Variants in PCED1B observed in about 807,000 individuals in gnomAD.
The protein encoded by PCED1B is PC-esterase domain-containing protein 1B.
For missense variants in PCED1B, 573 were observed against 573.9 expected (o/e 1.00, Z 0.02); for synonymous variants, 251 against 246.1 (o/e 1.02, Z -0.19).
At chr12:47,163,236 A>T (rs549030429) in intron 2 of PCED1B, among the ~76,000 whole-genome samples, 1 of 152,178 alleles carries the variant, frequency 6.6e-6, no homozygotes, top group Non-Finnish European at 1.5e-5. Context: ...AGTGTATAGA[A>T]ATGCAACTGA....
intron 3 of PCED1B, among the ~76,000 whole-genome samples, chr12:47,221,262 G>A (rs957295563): frequency 1.3e-5 from 2 of 150,560 alleles, no homozygotes; most frequent in African/African-American, 4.9e-5. Context: ...AATATATATT[G>A]CAACATTCCC....
intron 2 of PCED1B, among the ~76,000 whole-genome samples, chr12:47,136,296 C>T (rs537170605): frequency 5.9e-4 from 90 of 152,198 alleles, no homozygotes; most frequent in African/African-American, 2.1e-3. Context: ...AGCCTGTCCA[C>T]CTGTCAAAAG....
Position 47,235,130 on chromosome 12 carries a change from G to C in PCED1B, c.67G>C (p.Asp23His), listed in dbSNP as rs543197764. Reference sequence around the variant, plus strand: ...CAATAAGTTCGTGGTCATCCTGGGGGACTCTGTGCATAGGGCAGTATACAA... The same window carrying C: ...CAATAAGTTCGTGGTCATCCTGGGGCACTCTGTGCATAGGGCAGTATACAA... ...LHNKFVVILG[D>H]SVHRAVYKDL... Residue 23 changes from aspartate to histidine, a missense_variant, in exon 4 of 4, where the codon GAC becomes CAC. Transcript: ENST00000546455. 1.3e-6 allele frequency: 2 copies of C among 1,543,374 alleles called. No individual in the cohort carries two copies. The highest frequency in any genetic ancestry group is 1.4e-5 in the African/African-American group (1 of 72,918).
intron 2 of PCED1B, among the ~76,000 whole-genome samples, chr12:47,107,913 T>G (rs1027047167): frequency 1.3e-5 from 2 of 151,260 alleles, no homozygotes; most frequent in African/African-American, 4.9e-5. Context: ...ACATGCTGGG[T>G]GTCCTTAGGA....
chr12:47,082,209 A>T (rs929011515), intron 1 of PCED1B, among the ~76,000 whole-genome samples: 1 of 152,172 alleles, frequency 6.6e-6, no homozygotes, highest in Non-Finnish European at 1.5e-5. Context: ...TAGCAGTTTT[A>T]TCTGTTTTGT....
intron 2 of PCED1B, among the ~76,000 whole-genome samples, chr12:47,123,568 A>T (rs531888552): frequency 1.3e-5 from 2 of 152,246 alleles, no homozygotes; most frequent in East Asian, 3.9e-4. Context: ...CCACCAGTAT[A>T]TCAAAAAAAA....
At chr12:47,206,530 GGCACCAGGCTTGGTGTGTTTTGCTCCA>G (rs1216988123) in intron 2 of PCED1B, 1 of 152,218 alleles carries the variant, frequency 6.6e-6, no homozygotes, top group Admixed American at 6.5e-5. Flanking sequence ...GTCAATGATT[GGCACCAGGCTTGGTGTGTTTTGCTCCA>G]CCTCCTGCCT....
chr12:47,135,862 T>C (rs1013793852), intron 2 of PCED1B: 31 of 441,928 alleles, frequency 7.0e-5, no homozygotes, highest in Admixed American at 6.6e-4. Context: ...GAGCGGCCGG[T>C]GTTGGCAGGA....
chr12:47,228,532 C>A (rs762337127), intron 3 of PCED1B, among the ~76,000 whole-genome samples: 2 of 152,082 alleles, frequency 1.3e-5, no homozygotes, highest in Non-Finnish European at 2.9e-5. Flanking sequence ...TAAATCTTAG[C>A]TCTATCACAT....
At position 47,159,281 on chromosome 12, in the gene PCED1B, ATG is replaced by A. The variant is rs1941294751; in HGVS notation, c.-526+55087_-526+55088del. 3.3e-5 allele frequency among the ~76,000 whole-genome samples: 5 copies of A among 152,232 alleles called. No individual in the cohort carries two copies. In the South Asian group the frequency reaches 1.0e-3, roughly 32 times the overall value. On this transcript the variant is annotated intron_variant, in intron 2 of 3. Coordinates refer to ENST00000546455, the MANE Select transcript of PCED1B (RefSeq NM_138371.3). ...CCAAGTAGTGGGACTGCTGGATTGT[ATG>A]GTAGTTGTTCTATTTTTAGTTTTTT... is the stretch of plus-strand genomic sequence containing the variant.
intron 1 of PCED1B, among the ~76,000 whole-genome samples, chr12:47,101,791 A>G (rs1938718118): frequency 6.6e-6 from 1 of 152,104 alleles, no homozygotes; most frequent in South Asian, 2.1e-4. Flanking sequence ...AACTAAAAAT[A>G]CAAAATTAGC....
At chr12:47,132,821 C>G (rs541578888) in intron 2 of PCED1B, among the ~76,000 whole-genome samples, 1 of 152,034 alleles carries the variant, frequency 6.6e-6, no homozygotes, top group Non-Finnish European at 1.5e-5. Context: ...GAAAGGAGAA[C>G]CAAAATCTAA....
intron 2 of PCED1B, among the ~76,000 whole-genome samples, chr12:47,170,419 C>G (rs1023047800): frequency 3.3e-5 from 5 of 152,170 alleles, no homozygotes; most frequent in African/African-American, 1.2e-4. Flanking sequence ...ACCTCCCAGA[C>G]GGGGTGGCGG....
intron 1 of PCED1B, among the ~76,000 whole-genome samples, chr12:47,098,005 A>G (rs779994496): frequency 2.0e-5 from 3 of 152,224 alleles, no homozygotes; most frequent in Non-Finnish European, 4.4e-5. Context: ...TTTCCAAGTA[A>G]GGCTAGCCAC....
chr12:47,155,118 G>T (rs563711085), intron 2 of PCED1B, among the ~76,000 whole-genome samples: 4 of 152,288 alleles, frequency 2.6e-5, no homozygotes, highest in Non-Finnish European at 5.9e-5. Context: ...TCGGAAAGAT[G>T]AGATGAGTAC....
intron 2 of PCED1B, among the ~76,000 whole-genome samples, chr12:47,108,934 A>G (rs1348830366): frequency 6.6e-6 from 1 of 152,248 alleles, no homozygotes; most frequent in Non-Finnish European, 1.5e-5. Context: ...CGGGGCACAC[A>G]CCAACTTTTG....
intron 2 of PCED1B, among the ~76,000 whole-genome samples, chr12:47,127,347 G>A (rs1009501999): frequency 6.7e-6 from 1 of 150,116 alleles, no homozygotes; most frequent in African/African-American, 2.4e-5. Flanking sequence ...GAACTTTCTA[G>A]CTATCTTTCT....
At chr12:47,151,512 G>C (rs182979075) in intron 2 of PCED1B, among the ~76,000 whole-genome samples, 10 of 152,304 alleles carry the variant, frequency 6.6e-5, no homozygotes, top group Admixed American at 1.3e-4. Context: ...AGCAATGTGT[G>C]ACTGTATATA....
At chr12:47,155,381 G>A (rs1941158687) in intron 2 of PCED1B, among the ~76,000 whole-genome samples, 3 of 152,182 alleles carry the variant, frequency 2.0e-5, no homozygotes, top group South Asian at 2.1e-4. Flanking sequence ...TTTTAGAGAT[G>A]TGAAAACGTG....
Sources: gnomAD v4.1 joint callset for allele counts (sites outside exome capture counted in the v4.1 genomes callset) on GRCh38, gnomAD v4.1.1 for gene constraint, MANE v1.5 for transcripts, NCBI Gene and HGNC (gene_info 2026-07-23, HGNC 2026-07-21) for gene names.